The following IRS1 variants were observed in gnomAD, a reference collection of about 807,000 sequenced individuals.
IRS1 encodes the protein insulin receptor substrate 1.
In IRS1, 34 loss-of-function variants were observed where a neutral mutation model predicts 65.6. The ratio of observed to expected loss-of-function variants is 0.52; its 90% confidence interval spans 0.39 to 0.69. The LOEUF is 0.69. Among genes scored for constraint, IRS1 ranks in the 30% least tolerant of loss-of-function variants. The pLI, the probability that IRS1 is intolerant of heterozygous loss-of-function variation, is 0.00. For synonymous variants in IRS1, 699 were observed against 683.5 expected (o/e 1.02, Z -0.35); for missense variants, 1,641 against 1,720.2 (o/e 0.95, Z 0.81).
intron 1 of IRS1, among the ~76,000 whole-genome samples, chr2:226,767,134 T>C (rs1307545242): frequency 6.6e-6 from 1 of 152,154 alleles, no homozygotes; most frequent in Non-Finnish European, 1.5e-5. Context: ...ATGTAGGTGT[T>C]AGAGCAGAAT....
Position 226,741,583 on chromosome 2 carries a change from T to A in IRS1, c.*22-5333A>T, listed in dbSNP as rs78040323. On this transcript the variant is annotated intron_variant, in intron 1 of 1. Coordinates refer to ENST00000305123, the MANE Select transcript of IRS1 (RefSeq NM_005544.3). ...CCTCTCTCTATTCTGTCTTCCCACGTCTGTTGATTTCCTATTTCACACAAT... is the reference window on the plus strand; with the variant it reads ...CCTCTCTCTATTCTGTCTTCCCACGACTGTTGATTTCCTATTTCACACAAT... 6.1e-3 allele frequency among the ~76,000 whole-genome samples: 930 copies of A among 152,188 alleles called. 7 individuals are homozygous for A. Among genetic ancestry groups the A allele is most frequent in the African/African-American group, 0.021 (874 of 41,508 alleles).
At chr2:226,784,132 T>C (rs1244700843) in intron 1 of IRS1, among the ~76,000 whole-genome samples, 1 of 152,166 alleles carries the variant, frequency 6.6e-6, no homozygotes, top group Non-Finnish European at 1.5e-5. Context: ...CACAGAATTG[T>C]GACCTAGTAA....
chr2:226,791,441 G>C (rs749914799), intron 1 of IRS1, among the ~76,000 whole-genome samples: 7 of 152,220 alleles, frequency 4.6e-5, no homozygotes, highest in African/African-American at 7.2e-5. Context: ...ATAAGAGCAA[G>C]TGTGTGTTTC....
intron 1 of IRS1, among the ~76,000 whole-genome samples, chr2:226,744,693 G>A (rs1457232266): frequency 6.6e-6 from 1 of 152,086 alleles, no homozygotes; most frequent in Admixed American, 6.5e-5. Context: ...CTCTTTATGA[G>A]AAAATAATGC....
Position 226,797,738 on chromosome 2 carries a change from C to A in IRS1, c.1001G>T (p.Gly334Val). 1 of 1,596,620 alleles carries A rather than the reference C, an allele frequency of 6.3e-7. No homozygotes were observed. Reference sequence around the variant, plus strand: ...CACCGAGGCTGGGCGGGACATGGTGCCTTCGCCGTCACTGGAGGCGCGGAC... The same window carrying A: ...CACCGAGGCTGGGCGGGACATGGTGACTTCGCCGTCACTGGAGGCGCGGAC... ...FRVRASSDGEGTMSRPASVDG... is the reference protein window; with the variant it reads ...FRVRASSDGEVTMSRPASVDG... Residue 334 changes from glycine to valine, a missense_variant, in exon 1 of 2, where the codon GGC becomes GTC. Physicochemically the swap from Gly to Val is moderately radical, Grantham distance 109 (BLOSUM62 -3). This residue lies in a region of IRS1 where 1,324 missense variants were observed against 1,361.0 expected (regional missense o/e 0.97). Transcript: ENST00000305123. The surrounding 1 kb of genome is among the most constrained non-coding windows in gnomAD (Gnocchi z 8.1).
intron 1 of IRS1, among the ~76,000 whole-genome samples, chr2:226,742,992 G>C (rs1271389381): frequency 6.6e-6 from 1 of 152,102 alleles, no homozygotes; most frequent in Non-Finnish European, 1.5e-5. Flanking sequence ...ATCCACTTCT[G>C]TTATTTCCCA....
rs1939825384 is a variant in IRS1, at chr2:226,798,879, C to T, written c.-141G>A. 6.6e-7 allele frequency: 1 copy of T among 1,520,324 alleles called. No homozygotes were observed. Among genetic ancestry groups the T allele is most frequent in the Non-Finnish European group, 8.8e-7 (1 of 1,131,064 alleles). The allele number at this position is 1,520,324 out of a possible 1,614,324, so 94.2% of individuals were successfully genotyped here. On this transcript the variant is annotated 5_prime_UTR_variant, in exon 1 of 2. Coordinates refer to ENST00000305123, the MANE Select transcript of IRS1 (RefSeq NM_005544.3). This position sits in a 1 kb window ranked among gnomAD's most constrained non-coding sequence, Gnocchi z 9.4. ...AACCCCGACTCTGAAATCCACGCCG[C>T]CCCCCGCGCCGGGGAGGGGCAGCTG...
chr2:226,731,546 C>A lies in IRS1; in HGVS notation c.*4726G>T, dbSNP rs1938221471. On this transcript the variant is annotated 3_prime_UTR_variant, in exon 2 of 2. Transcript: ENST00000305123. Reference sequence around the variant, plus strand: ...AACACTTCTAAATAAAAAATATATACCTGGCCTGGCACCCATTACATATAT... The same window carrying A: ...AACACTTCTAAATAAAAAATATATAACTGGCCTGGCACCCATTACATATAT... 1 of 152,028 alleles carries A rather than the reference C, an allele frequency of 6.6e-6. No homozygotes were observed. Among genetic ancestry groups the A allele is most frequent in the Non-Finnish European group, 1.5e-5 (1 of 68,006 alleles). 9.4% of individuals were successfully genotyped at this position (152,028 alleles called of 1,614,324 possible).
At chr2:226,739,741 C>A (rs974230018) in intron 1 of IRS1, among the ~76,000 whole-genome samples, 1 of 152,124 alleles carries the variant, frequency 6.6e-6, no homozygotes, top group Non-Finnish European at 1.5e-5. Flanking sequence ...TCTGTATCTC[C>A]CTAGCTCCAC....
chr2:226,754,393 A>G (rs1231808543), intron 1 of IRS1, among the ~76,000 whole-genome samples: 1 of 152,248 alleles, frequency 6.6e-6, no homozygotes, highest in South Asian at 2.1e-4. Context: ...AAAACAATAT[A>G]GCCATCATTT....
chr2:226,768,424 G>A (rs895882923), intron 1 of IRS1, among the ~76,000 whole-genome samples: 8 of 152,054 alleles, frequency 5.3e-5, no homozygotes, highest in Admixed American at 2.0e-4. Context: ...ACATATACTT[G>A]TTGCATTGAT....
At chr2:226,752,235 G>A (rs898468237) in intron 1 of IRS1, among the ~76,000 whole-genome samples, 1 of 152,066 alleles carries the variant, frequency 6.6e-6, no homozygotes, top group Non-Finnish European at 1.5e-5. Flanking sequence ...GAGGCATAAT[G>A]ACTCAAAGGT....
chr2:226,781,301 T>C (rs1243918458), intron 1 of IRS1, among the ~76,000 whole-genome samples: 5 of 152,200 alleles, frequency 3.3e-5, no homozygotes, highest in African/African-American at 1.2e-4. Flanking sequence ...CCTAAACAAC[T>C]TCTGCCATTA....
rs981903126 is a variant in IRS1, at chr2:226,731,464, C to T, written c.*4808G>A. 6.6e-6 allele frequency: 1 copy of T among 150,842 alleles called. No homozygotes were observed. Among genetic ancestry groups the T allele is most frequent in the African/African-American group, 2.4e-5 (1 of 41,134 alleles). The allele number at this position is 150,842 out of a possible 1,614,324, so 9.3% of individuals were successfully genotyped here. A position where few individuals can be genotyped will look rare whatever the true frequency, so the allele number is the denominator to read the frequency against. On this transcript the variant is annotated 3_prime_UTR_variant, in exon 2 of 2. Transcript: ENST00000305123. ...TACAATTCTAAGTACCAGACAGAAT[C>T]AGGAAAAAAAAAATTGAAAATAAGC...
Position 226,799,019 on chromosome 2 carries a change from C to T in IRS1, c.-281G>A, listed in dbSNP as rs1345748409. 2.1e-6 allele frequency: 3 copies of T among 1,406,278 alleles called. No homozygotes were observed. In the East Asian group the frequency reaches 8.2e-5, roughly 38 times the overall value. 87.1% of individuals were successfully genotyped at this position (1,406,278 alleles called of 1,614,324 possible). A position where few individuals can be genotyped will look rare whatever the true frequency, so the allele number is the denominator to read the frequency against. ...GAGGGCAGCCCCGATCCTCCGAGAG[C>T]CAAGTCTCCTCTCAGCCGCCGCCGC... On this transcript the variant is annotated 5_prime_UTR_variant, in exon 1 of 2. Transcript: ENST00000305123. The surrounding 1 kb of genome is among the most constrained non-coding windows in gnomAD (Gnocchi z 6.1).
chr2:226,774,680 A>T (rs1262697408), intron 1 of IRS1, among the ~76,000 whole-genome samples: 4 of 152,268 alleles, frequency 2.6e-5, no homozygotes, highest in Admixed American at 1.3e-4. Flanking sequence ...AAACACATGT[A>T]GAGAAACATT....
In IRS1 at chr2:226,799,655, C is replaced by A; in HGVS notation, c.-917G>T. The stretch of plus-strand genomic sequence containing the variant: ...GCGCTGCCGCTGCAGTTACTTCTCC[C>A]CTCCTCCCTCCTCCTCCTCCTCCTC... On this transcript the variant is annotated 5_prime_UTR_variant, in exon 1 of 2. Transcript: ENST00000305123. The surrounding 1 kb of genome is among the most constrained non-coding windows in gnomAD (Gnocchi z 6.1). The A allele has an allele frequency of 5.0e-6, 5 of 1,001,784 alleles. No homozygotes were observed. Among genetic ancestry groups the A allele is most frequent in the Non-Finnish European group, 6.0e-6 (5 of 831,252 alleles). 62.1% of individuals were successfully genotyped at this position (1,001,784 alleles called of 1,614,324 possible). A position where few individuals can be genotyped will look rare whatever the true frequency, so the allele number is the denominator to read the frequency against.
In IRS1 at chr2:226,797,262, G is replaced by T; in HGVS notation, c.1477C>A (p.Arg493Ser). Residue 493 changes from arginine (R) to serine (S), a missense_variant, in exon 1 of 2, where the codon CGC becomes AGC. Arg to Ser is a moderately radical substitution (Grantham distance 110). Around this residue, in one of 3 missense-constraint regions of IRS1, gnomAD observed 1,324 missense variants for 1,361.0 expected, o/e 0.97. Transcript: ENST00000305123. The surrounding 1 kb of genome is among the most constrained non-coding windows in gnomAD (Gnocchi z 8.1). ...CCCAAGCCTGTTCCTGGGGTGCAGCGGTGGCCATTGCCACCCCGAGACAAA... is the reference window on the plus strand; with the variant it reads ...CCCAAGCCTGTTCCTGGGGTGCAGCTGTGGCCATTGCCACCCCGAGACAAA... ...YILSRGGNGH[R>S]CTPGTGLGTS... The T allele has an allele frequency of 3.1e-6, 5 of 1,613,508 alleles. No homozygotes were observed. Among genetic ancestry groups the T allele is most frequent in the African/African-American group, 1.3e-5 (1 of 75,020 alleles).
In IRS1 at chr2:226,798,643, C is replaced by A. The variant is rs751343444; in HGVS notation, c.96G>T (p.Leu32=). ...PKSMHKRFFV[L]RAASEAGGPA... The stretch of plus-strand genomic sequence containing the variant: ...GGCCCCCAGCCTCGCTGGCCGCGCG[C>A]AGTACGAAGAAGCGTTTGTGCATGC... Residue 32 remains leucine (L), a synonymous_variant, in exon 1 of 2, where the codon CTG becomes CTT. Coordinates refer to ENST00000305123, the MANE Select transcript of IRS1 (RefSeq NM_005544.3). This position sits in a 1 kb window ranked among gnomAD's most constrained non-coding sequence, Gnocchi z 9.4. The A allele has an allele frequency of 1.2e-6, 2 of 1,612,972 alleles. No individual in the cohort carries two copies. The highest frequency in any genetic ancestry group is 1.7e-6 in the Non-Finnish European group (2 of 1,179,516).
Sources: allele counts gnomAD v4.1 joint callset (sites outside exome capture counted in the v4.1 genomes callset), GRCh38; gene constraint gnomAD v4.1.1; regional missense constraint gnomAD v4.1.1; non-coding constraint Gnocchi (gnomAD v3.1); transcripts MANE v1.5; gene names NCBI Gene and HGNC (gene_info 2026-07-23, HGNC 2026-07-21).